Variants in ITPR1 observed in about 807,000 individuals in gnomAD.
ITPR1 encodes inositol 1,4,5-trisphosphate-gated calcium channel ITPR1.
ITPR1 carries 96 observed loss-of-function variants against 318.4 expected under a neutral mutation model. The observed-to-expected ratio is 0.30, with a 90% confidence interval of 0.26 to 0.36. ITPR1 has a LOEUF of 0.36. Among genes scored for constraint, ITPR1 ranks in the 10% least tolerant of loss-of-function variants. The pLI is 1.00. For missense variants in ITPR1, 2,440 were observed against 3,460.2 expected, an observed-to-expected ratio of 0.71 and a Z score of 7.40; for synonymous variants, 1,312 against 1,289.9, an observed-to-expected ratio of 1.02 and a Z score of -0.37.
chr3:4,531,529 G>C (rs966065709), intron 4 of ITPR1, among the ~76,000 whole-genome samples: 4 of 152,112 alleles, frequency 2.6e-5, no homozygotes, highest in African/African-American at 7.2e-5. Context: ...TTCCCCAGTT[G>C]TGCTCAGGAT....
At chr3:4,517,284 T>C (rs2082238424) in intron 3 of ITPR1, among the ~76,000 whole-genome samples, 1 of 152,194 alleles carries the variant, frequency 6.6e-6, no homozygotes, top group Non-Finnish European at 1.5e-5. Flanking sequence ...AGAATCAAGA[T>C]GGTTAACTCC....
chr3:4,533,738 C>T (rs1003232969), intron 4 of ITPR1, among the ~76,000 whole-genome samples: 1 of 152,156 alleles, frequency 6.6e-6, no homozygotes. Flanking sequence ...GCCTGGTAAC[C>T]AGCTATGACA....
intron 61 of ITPR1, among the ~76,000 whole-genome samples, chr3:4,837,805 A>G (rs1001085874): frequency 5.9e-5 from 9 of 152,158 alleles, no homozygotes; most frequent in African/African-American, 1.9e-4. Flanking sequence ...CTGGGTGGTG[A>G]GAAGACCCTG....
intron 35 of ITPR1, among the ~76,000 whole-genome samples, chr3:4,701,939 C>A (rs3792491): frequency 0.08 from 12,145 of 152,140 alleles, 644 homozygotes; most frequent in Non-Finnish European, 0.12. Context: ...AGACCTCTTT[C>A]GGGGTTTTCA....
At chr3:4,693,223 T>C (rs2125248851) in intron 32 of ITPR1, among the ~76,000 whole-genome samples, 1 of 152,364 alleles carries the variant, frequency 6.6e-6, no homozygotes, top group South Asian at 2.1e-4. Flanking sequence ...CTGTTTCCAC[T>C]TGATGCATTA....
intron 4 of ITPR1, among the ~76,000 whole-genome samples, chr3:4,584,153 A>T (rs1282925226): frequency 2.0e-5 from 3 of 152,140 alleles, no homozygotes; most frequent in African/African-American, 7.2e-5. Context: ...GTTTATTATT[A>T]TCTTCAGTAC....
intron 54 of ITPR1, among the ~76,000 whole-genome samples, chr3:4,802,089 G>T (rs912464009): frequency 1.3e-5 from 2 of 152,092 alleles, no homozygotes; most frequent in Admixed American, 1.3e-4. Flanking sequence ...GTGAAAAAAG[G>T]GTTCCGTGAT....
chr3:4,735,377 G>T, intron 44 of ITPR1, 23 bp downstream of exon 44: 1 of 1,593,588 alleles, frequency 6.3e-7, no homozygotes, highest in South Asian at 1.1e-5. Context: ...CTTGGCTACT[G>T]GTATGGCATC....
intron 55 of ITPR1, 52 bp downstream of exon 55, chr3:4,806,319 C>A: frequency 6.6e-7 from 1 of 1,509,642 alleles, no homozygotes; most frequent in Non-Finnish European, 9.2e-7. Flanking sequence ...AGGAGAGTGT[C>A]CTATGTCCTC....
intron 2 of ITPR1, among the ~76,000 whole-genome samples, chr3:4,498,566 A>T (rs2080779993): frequency 6.6e-6 from 1 of 152,218 alleles, no homozygotes; most frequent in Non-Finnish European, 1.5e-5. Context: ...GGTTTTCAAC[A>T]TCACAAAACT....
chr3:4,838,763 C>CT, intron 61 of ITPR1, among the ~76,000 whole-genome samples: 1 of 152,262 alleles, frequency 6.6e-6, no homozygotes, highest in East Asian at 1.9e-4. Flanking sequence ...CTTGGAGGCT[C>CT]TTTGGGGGTA....
Position 4,846,275 on chromosome 3 carries a change from T to G in ITPR1, c.*50T>G, listed in dbSNP as rs752424165. 1 of 1,250,006 alleles carries G rather than the reference T, an allele frequency of 8.0e-7. No homozygotes were observed. Among genetic ancestry groups the G allele is most frequent in the African/African-American group, 1.5e-5 (1 of 66,880 alleles). The allele number at this position is 1,250,006 out of a possible 1,614,324, so 77.4% of individuals were successfully genotyped here. On this transcript the variant is annotated 3_prime_UTR_variant, in exon 62 of 62. Transcript: ENST00000649015. ...TTACCTTTTATAATTATTATTAGTG[T>G]GGGTATGGCTAATGAGTTCTGATTC... is the stretch of plus-strand genomic sequence containing the variant.
Position 4,674,268 on chromosome 3 carries a change from G to T in ITPR1, c.2523G>T (p.Val841=). The T allele has an allele frequency of 6.3e-7, 1 of 1,587,618 alleles. No individual in the cohort carries two copies. The highest frequency in any genetic ancestry group is 8.6e-7 in the Non-Finnish European group (1 of 1,164,994). ...GATTTGCTCAGACCATGGAGTTTGT[G>T]GAGGAGTATTTAAGAGATGTGGTTT... ...KERFAQTMEF[V]EEYLRDVVCQ... is the part of the protein sequence containing the mutation. Residue 841 remains valine (V), a synonymous_variant, in exon 22 of 62, where the codon GTG becomes GTT. Coordinates refer to ENST00000649015, the MANE Select transcript of ITPR1 (RefSeq NM_001378452.1).
chr3:4,662,380 A>G (rs1030180192), intron 15 of ITPR1, 138 bp downstream of exon 15: 18 of 630,548 alleles, frequency 2.9e-5, no homozygotes, highest in Non-Finnish European at 3.9e-5. Context: ...GGTGGCTTCA[A>G]TGTGTAACTT....
intron 44 of ITPR1, among the ~76,000 whole-genome samples, chr3:4,746,237 G>A (rs1223626961): frequency 6.6e-6 from 1 of 152,132 alleles, no homozygotes; most frequent in Non-Finnish European, 1.5e-5. Context: ...TGTCAGTGAT[G>A]CCCCCCAAAT....
rs949453401 is a variant in ITPR1, at chr3:4,738,882, C to T, written c.5544+3528C>T. On this transcript the variant is annotated intron_variant, in intron 44 of 61. Coordinates refer to ENST00000649015, the MANE Select transcript of ITPR1 (RefSeq NM_001378452.1). ...AGGGGTGGTGTGGGGGCCTGTGGAT[C>T]CATGCCAGGATGGAAGGGTGCGGGT... is the stretch of plus-strand genomic sequence containing the variant. Among the ~76,000 whole-genome samples the T allele has an allele frequency of 5.9e-5, 9 of 151,894 alleles. 1 individual carries two copies. The highest frequency in any genetic ancestry group is 4.9e-5 in the African/African-American group (2 of 41,208).
intron 36 of ITPR1, 82 bp downstream of exon 36, chr3:4,703,032 A>G: frequency 6.9e-7 from 1 of 1,458,728 alleles, no homozygotes; most frequent in Non-Finnish European, 9.4e-7. Context: ...TTGAGCACTC[A>G]TTACAACTCT....
At chr3:4,687,697 G>T (rs1449475353) in intron 30 of ITPR1, among the ~76,000 whole-genome samples, 1 of 152,148 alleles carries the variant, frequency 6.6e-6, no homozygotes, top group Non-Finnish European at 1.5e-5. Flanking sequence ...TATAGAATTG[G>T]CTTATTACGG....
At position 4,768,650 on chromosome 3, in the gene ITPR1, G is replaced by A. The variant is rs780183802; in HGVS notation, c.5865G>A (p.Gln1955=). ...ACTACCAGCCTGGAGAGGGCACCCA[G>A]GCCACTGCCGACAAGGCCAAGGACG... ...DDHYQPGEGT[Q]ATADKAKDDL... The change falls in exon 46 of 62, where the codon CAG becomes CAA. Residue 1955 remains glutamine (Q), a synonymous_variant. Coordinates refer to ENST00000649015, the MANE Select transcript of ITPR1 (RefSeq NM_001378452.1). 5.0e-6 allele frequency: 8 copies of A among 1,614,010 alleles called. No individual in the cohort carries two copies. Among genetic ancestry groups the A allele is most frequent in the Non-Finnish European group, 6.8e-6 (8 of 1,179,890 alleles).
Sources: allele counts gnomAD v4.1 joint callset (sites outside exome capture counted in the v4.1 genomes callset), GRCh38; gene constraint gnomAD v4.1.1; transcripts MANE v1.5; gene names NCBI Gene and HGNC (gene_info 2026-07-23, HGNC 2026-07-21).